Variants in TPRX1 observed in about 807,000 individuals in gnomAD.
TPRX1 encodes the protein tetra-peptide repeat homeobox protein 1.
A neutral mutation model predicts 8.1 loss-of-function variants in TPRX1; 2 were observed. That is an observed-to-expected ratio of 0.25 (90% confidence interval 0.10 to 0.78). TPRX1 has a LOEUF of 0.78. TPRX1 is among the 30% of genes least tolerant of loss of function. The pLI is 0.70. For synonymous variants in TPRX1, 257 were observed against 254.1 expected (o/e 1.01, Z -0.11); for missense variants, 517 against 586.9 (o/e 0.88, Z 1.23).
Position 47,818,388 on chromosome 19 carries a change from C to CTCCATCCATCCCTCCA in TPRX1, c.151+79_151+80insTGGAGGGATGGATGGA, listed in dbSNP as rs1967870154. ...TCCATCATCCATCACCCATCCATCC[C>CTCCATCCATCCCTCCA]TCCATCCATCCATCCATCCATCCAT... is the stretch of plus-strand genomic sequence containing the variant. On this transcript the variant is annotated intron_variant, in intron 2 of 3. Coordinates refer to ENST00000535759, the Ensembl canonical transcript of TPRX1. 6 of 342,988 alleles carry CTCCATCCATCCCTCCA rather than the reference C, an allele frequency of 1.7e-5. 1 individual carries two copies. Among genetic ancestry groups the CTCCATCCATCCCTCCA allele is most frequent in the Non-Finnish European group, 3.4e-5 (6 of 174,380 alleles). The allele number at this position is 342,988 out of a possible 1,614,324, so 21.2% of individuals were successfully genotyped here. A position where few individuals can be genotyped will look rare whatever the true frequency, so the allele number is the denominator to read the frequency against.
chr19:47,803,892 C>T (rs992662406), intron 2 of TPRX1, among the ~76,000 whole-genome samples: 3 of 152,008 alleles, frequency 2.0e-5, no homozygotes, highest in Non-Finnish European at 4.4e-5. Flanking sequence ...AGGCAGGCAG[C>T]GTAGGCGCCT....
At chr19:47,812,267 G>A (rs1303367320) in intron 2 of TPRX1, among the ~76,000 whole-genome samples, 2 of 152,124 alleles carry the variant, frequency 1.3e-5, no homozygotes, top group Non-Finnish European at 2.9e-5. Context: ...CAGGGAACTC[G>A]TTGTTCAAGT....
Position 47,802,093 on chromosome 19 carries a change from TA to T in TPRX1, c.1208del (p.Leu403Ter). ...CTGAGCCTGGGCCTGAGCCTGGGCC[TA>T]AAATCGGGGCTAGGCCTGGAAGTGA... is the stretch of plus-strand genomic sequence containing the variant. On this transcript the variant is annotated frameshift_variant, in exon 4 of 4. Coordinates refer to ENST00000535759, the Ensembl canonical transcript of TPRX1. LOFTEE classifies it low-confidence loss of function (END_TRUNC). 2 of 1,591,582 alleles carry T rather than the reference TA, an allele frequency of 1.3e-6. No homozygotes were observed. The highest frequency in any genetic ancestry group is 8.5e-7 in the Non-Finnish European group (1 of 1,169,996).
intron 2 of TPRX1, among the ~76,000 whole-genome samples, chr19:47,815,942 T>C (rs1967835924): frequency 6.6e-6 from 1 of 152,132 alleles, no homozygotes; most frequent in Non-Finnish European, 1.5e-5. Flanking sequence ...CTGGAGTGTT[T>C]CTTTGGGACT....
intron 2 of TPRX1, among the ~76,000 whole-genome samples, chr19:47,805,533 G>C (rs1967728072): frequency 6.6e-6 from 1 of 152,166 alleles, no homozygotes; most frequent in Admixed American, 6.5e-5. Context: ...GGATTAGAGA[G>C]ATTGACAAGG....
intron 2 of TPRX1, among the ~76,000 whole-genome samples, chr19:47,808,686 C>T (rs1414908122): frequency 1.4e-5 from 2 of 142,926 alleles, no homozygotes; most frequent in African/African-American, 2.5e-5. Context: ...GAACTCCTGA[C>T]CTCAAGTGAT....
intron 2 of TPRX1, among the ~76,000 whole-genome samples, chr19:47,810,559 G>T (rs1967773756): frequency 1.3e-5 from 2 of 151,928 alleles, no homozygotes; most frequent in Admixed American, 1.3e-4. Context: ...ATATTGGCCA[G>T]ACTGGTCTTG....
chr19:47,802,239 G>A (rs1426267870), exon 4 of TPRX1: 4 of 1,606,750 alleles, frequency 2.5e-6, no homozygotes, highest in Non-Finnish European at 3.4e-6. Context: ...CCTGAGATTG[G>A]GCCTGGGATT....
intron 2 of TPRX1, among the ~76,000 whole-genome samples, chr19:47,811,496 C>CTTTTTTT (rs34677329): frequency 1.7e-5 from 2 of 118,520 alleles, no homozygotes; most frequent in Admixed American, 9.4e-5. Context: ...TTCATGGCAA[C>CTTTTTTT]TTTTTTTTTT....
chr19:47,816,987 A>C (rs1275982931), intron 2 of TPRX1, among the ~76,000 whole-genome samples: 1 of 152,214 alleles, frequency 6.6e-6, no homozygotes, highest in African/African-American at 2.4e-5. Context: ...TATGATCTCA[A>C]ATGGTGGAAC....
In TPRX1 at chr19:47,813,179, T is replaced by G. The variant is rs567522614; in HGVS notation, c.151+5289A>C. ...ACAACCCCCCCCACCCCGCCAAAAT[T>G]AGCCAGGCGGAGTGGCGTGCTCCTG... On this transcript the variant is annotated intron_variant, in intron 2 of 3. Coordinates refer to ENST00000535759, the Ensembl canonical transcript of TPRX1. 4.9e-5 allele frequency among the ~76,000 whole-genome samples: 7 copies of G among 143,336 alleles called. No homozygotes were observed. In the East Asian group the frequency reaches 1.6e-3, roughly 32 times the overall value. 94.0% of individuals were successfully genotyped at this position (143,336 alleles called of 152,430 possible).
chr19:47,806,445 G>A (rs1306136621), intron 2 of TPRX1, among the ~76,000 whole-genome samples: 2 of 151,988 alleles, frequency 1.3e-5, no homozygotes, highest in South Asian at 4.2e-4. Context: ...ACTTGAACCC[G>A]GGAGGCAGAG....
At chr19:47,809,194 ATT>A (rs1474268557) in intron 2 of TPRX1, among the ~76,000 whole-genome samples, 7 of 152,210 alleles carry the variant, frequency 4.6e-5, no homozygotes, top group Non-Finnish European at 8.8e-5. Flanking sequence ...TCTCAGGCAC[ATT>A]GTTTATTTTG....
At chr19:47,801,996 C>G (rs146319990) in exon 4 of TPRX1, 2 of 1,613,442 alleles carry the variant, frequency 1.2e-6, no homozygotes, top group African/African-American at 1.3e-5. Flanking sequence ...TCGGAGGCAT[C>G]GGGGCTCTGA....
intron 2 of TPRX1, among the ~76,000 whole-genome samples, chr19:47,807,113 C>T (rs1967742196): frequency 6.6e-6 from 1 of 152,162 alleles, no homozygotes; most frequent in South Asian, 2.1e-4. Flanking sequence ...ACCATGTTGG[C>T]CAGGCTGGCC....
intron 2 of TPRX1, among the ~76,000 whole-genome samples, chr19:47,808,771 A>G (rs2123715676): frequency 6.6e-6 from 1 of 152,166 alleles, no homozygotes; most frequent in East Asian, 1.9e-4. Context: ...GTTTTATTGT[A>G]AGAGACTTAT....
At chr19:47,815,163 T>TGCAAG (rs201060804) in intron 2 of TPRX1, among the ~76,000 whole-genome samples, 1 of 86,298 alleles carries the variant, frequency 1.2e-5, no homozygotes, top group Non-Finnish European at 2.1e-5. Context: ...TATATATATA[T>TGCAAG]TTTTTTTTTT....
chr19:47,809,171 A>G (rs1407250692), intron 2 of TPRX1, among the ~76,000 whole-genome samples: 1 of 152,208 alleles, frequency 6.6e-6, no homozygotes, highest in Admixed American at 6.6e-5. Flanking sequence ...TGTGTTTTCC[A>G]TATCAAATGC....
Position 47,804,347 on chromosome 19 carries a change from A to G in TPRX1, c.152-674T>C, listed in dbSNP as rs145733230. 3.1e-3 allele frequency among the ~76,000 whole-genome samples: 467 copies of G among 151,106 alleles called. 10 individuals are homozygous for G. The highest frequency in any genetic ancestry group is 0.01 in the African/African-American group (426 of 40,846). On this transcript the variant is annotated intron_variant, in intron 2 of 3. Transcript: ENST00000535759. ...TGGGATCACAGGCGTGAGACGCTAC[A>G]CCCAGCTGCATGATTTTTCATTTCC...
Sources: allele counts gnomAD v4.1 joint callset (sites outside exome capture counted in the v4.1 genomes callset), GRCh38; gene constraint gnomAD v4.1.1; transcripts MANE v1.5; gene names NCBI Gene and HGNC (gene_info 2026-07-23, HGNC 2026-07-21).